Variants in FAM83G observed in about 807,000 individuals in gnomAD.
FAM83G encodes scaffolding CK1 anchoring protein G.
A neutral mutation model predicts 61.5 loss-of-function variants in FAM83G; 38 were observed. The ratio of observed to expected loss-of-function variants is 0.62; its 90% CI spans 0.48 to 0.81. The LOEUF (loss-of-function observed/expected upper bound fraction) is 0.81. FAM83G is among the 30% of genes least tolerant of loss of function. FAM83G has a pLI of 0.00. For missense variants in FAM83G, 989 were observed against 1,133.6 expected (o/e 0.87, Z 1.83); for synonymous variants, 470 against 476.1 (o/e 0.99, Z 0.17).
chr17:18,968,972 C>A lies in FAM83G; in HGVS notation c.*2387G>T. On this transcript the variant is annotated 3_prime_UTR_variant, in exon 6 of 6. Coordinates refer to ENST00000388995, the MANE Select transcript of FAM83G (RefSeq NM_001039999.3). This position sits in a 1 kb window ranked among gnomAD's most constrained non-coding sequence, Gnocchi z 4.1. ...ACAGGCCACCGAGGCCCAGAGAGGG[C>A]CTTGCCCGAGGTCACCCAGGGAGTG... 1 of 1,421,958 alleles carries A rather than the reference C, an allele frequency of 7.0e-7. No individual in the cohort carries two copies. Among genetic ancestry groups the A allele is most frequent in the Non-Finnish European group, 9.5e-7 (1 of 1,048,730 alleles). The allele number at this position is 1,421,958 out of a possible 1,614,324, so 88.1% of individuals were successfully genotyped here.
intron 2 of FAM83G, among the ~76,000 whole-genome samples, chr17:18,992,953 G>A (rs1438666056): frequency 2.0e-5 from 3 of 152,214 alleles, no homozygotes; most frequent in Non-Finnish European, 4.4e-5. Flanking sequence ...ACCCACAACA[G>A]CTGTTTCCTA....
At position 18,971,323 on chromosome 17, in the gene FAM83G, G is replaced by A. The variant is rs768324935; in HGVS notation, c.*36C>T. ...CTCCGCGTCATGAGTCTGGGCTGGG[G>A]CCTCAGAAGGTGTGGCTCCAGGCTG... On this transcript the variant is annotated 3_prime_UTR_variant, in exon 6 of 6. Transcript: ENST00000388995. The surrounding 1 kb of genome is among the most constrained non-coding windows in gnomAD (Gnocchi z 5.5). 5 of 1,606,676 alleles carry A rather than the reference G, an allele frequency of 3.1e-6. No homozygotes were observed. The African/African-American group carries it at 4.0e-5, about 13-fold the overall frequency.
At position 18,977,821 on chromosome 17, in the gene FAM83G, C is replaced by T; in HGVS notation, c.1845G>A (p.Val615=). The change falls in exon 5 of 6, where the codon GTG becomes GTA. Residue 615 remains valine, a synonymous_variant. Transcript: ENST00000388995. ...CTCTCACCTCGAAGTACTCCTCTGACACAGAGGAAGCCACTGAGGGCCGTC... is the reference window on the plus strand; with the variant it reads ...CTCTCACCTCGAAGTACTCCTCTGATACAGAGGAAGCCACTGAGGGCCGTC... The part of the protein sequence containing the change: ...GPRRPSVASS[V]SEEYFEVREH... The T allele has an allele frequency of 6.2e-7, 1 of 1,608,620 alleles. No individual in the cohort carries two copies. The highest frequency in any genetic ancestry group is 8.5e-7 in the Non-Finnish European group (1 of 1,177,850).
At chr17:18,981,328 G>T (rs1217619619) in intron 3 of FAM83G, among the ~76,000 whole-genome samples, 2 of 152,074 alleles carry the variant, frequency 1.3e-5, no homozygotes, top group African/African-American at 4.8e-5. Context: ...GGGAGGAGGG[G>T]TGGGTGATGG....
intron 2 of FAM83G, among the ~76,000 whole-genome samples, chr17:18,994,558 G>C (rs961143220): frequency 6.6e-6 from 1 of 152,130 alleles, no homozygotes; most frequent in Middle Eastern, 3.2e-3. Flanking sequence ...CTGGAAAGGG[G>C]AGGCTGAGCA....
chr17:18,970,647 A>G lies in FAM83G; in HGVS notation c.*712T>C, dbSNP rs575453580. On this transcript the variant is annotated 3_prime_UTR_variant, in exon 6 of 6. Transcript: ENST00000388995. ...CAGGAAGGTCCTCAAATGTCAAGAA[A>G]AATTACTTTTGCTTCCTTGAATCGA... The G allele has an allele frequency of 3.5e-6, 1 of 287,920 alleles. No homozygotes were observed. The highest frequency in any genetic ancestry group is 2.2e-5 in the African/African-American group (1 of 46,320). 17.8% of individuals were successfully genotyped at this position (287,920 alleles called of 1,614,324 possible).
In FAM83G at chr17:19,000,853, C is replaced by T. The variant is rs940738535; in HGVS notation, c.522+2667G>A. On this transcript the variant is annotated intron_variant, in intron 2 of 5. Coordinates refer to ENST00000388995, the MANE Select transcript of FAM83G (RefSeq NM_001039999.3). The surrounding 1 kb of genome is among the most constrained non-coding windows in gnomAD (Gnocchi z 5.2). ...TCCCAGGAAGCAGGCAGACAAAGCG[C>T]CCCGTCAGCATCCGTCAGTGTCCGG... Among the ~76,000 whole-genome samples the T allele has an allele frequency of 9.9e-5, 15 of 152,138 alleles. No homozygotes were observed. Among genetic ancestry groups the T allele is most frequent in the Non-Finnish European group, 1.9e-4 (13 of 68,006 alleles).
intron 5 of FAM83G, among the ~76,000 whole-genome samples, chr17:18,972,970 G>A (rs945405348): frequency 1.3e-5 from 2 of 152,158 alleles, no homozygotes; most frequent in African/African-American, 4.8e-5. Context: ...CTCAAGCAGG[G>A]CCCCTCATGC....
intron 3 of FAM83G, among the ~76,000 whole-genome samples, chr17:18,982,125 G>A (rs1043198776): frequency 1.3e-5 from 2 of 152,238 alleles, no homozygotes; most frequent in Admixed American, 1.3e-4. Context: ...CTCAGCCTCC[G>A]TGTGAGCCGC....
chr17:18,982,787 G>A (rs986725275), intron 3 of FAM83G, among the ~76,000 whole-genome samples: 1 of 152,254 alleles, frequency 6.6e-6, no homozygotes, highest in Admixed American at 6.5e-5. Context: ...AGCCCCTGGA[G>A]TGGGTCTAGG....
Position 18,971,526 on chromosome 17 carries a change from G to C in FAM83G, c.2305C>G (p.Pro769Ala). ...TCGGTGGCCCTGCCATCGGTCATGG[G>C]GCGGGCATTTTGGGCCAGTCTTGGG... Reference protein sequence around the residue: ...GSPRLAQNARPMTDGRATEEH... With the variant: ...GSPRLAQNARAMTDGRATEEH... The change falls in exon 6 of 6, where the codon CCC (proline) becomes GCC (alanine). Residue 769 changes from proline (P) to alanine (A), a missense_variant. By Grantham distance (27) the Pro-to-Ala change is conservative. This residue lies in a region of FAM83G where 574 missense variants were observed against 645.1 expected (regional missense o/e 0.89). Transcript: ENST00000388995. This position sits in a 1 kb window ranked among gnomAD's most constrained non-coding sequence, Gnocchi z 5.5. 6.2e-7 allele frequency: 1 copy of C among 1,614,050 alleles called. No individual in the cohort carries two copies. Among genetic ancestry groups the C allele is most frequent in the Non-Finnish European group, 8.5e-7 (1 of 1,180,044 alleles).
chr17:19,005,941 A>T (rs2043875754), upstream of FAM83G, among the ~76,000 whole-genome samples: 1 of 152,062 alleles, frequency 6.6e-6, no homozygotes, highest in Admixed American at 6.5e-5. Context: ...GGTCCTGAAG[A>T]CCCATTTATA....
At chr17:18,976,886 C>A in intron 5 of FAM83G, 1 of 1,613,694 alleles carries the variant, frequency 6.2e-7, no homozygotes, top group Middle Eastern at 1.6e-4. Context: ...CAGCCCGGGA[C>A]CTGAACCATG....
intron 2 of FAM83G, among the ~76,000 whole-genome samples, chr17:18,990,427 T>A (rs924255331): frequency 1.3e-5 from 2 of 152,116 alleles, no homozygotes; most frequent in Non-Finnish European, 2.9e-5. Context: ...AAGCCACTTC[T>A]GAGCAGGCAA....
chr17:18,971,575 G>A lies in FAM83G; in HGVS notation c.2256C>T (p.Pro752=), dbSNP rs763104209. Residue 752 remains proline, a synonymous_variant, in exon 6 of 6, where the codon CCC becomes CCT. Coordinates refer to ENST00000388995, the MANE Select transcript of FAM83G (RefSeq NM_001039999.3). The surrounding 1 kb of genome is among the most constrained non-coding windows in gnomAD (Gnocchi z 5.5). ...HHWQAKGGQV[P]RLLPDPGSPR... ...GGCTGCCGGGATCCGGAAGCAGGCG[G>A]GGTACCTGACCTCCCTTGGCCTGCC... 5.6e-6 allele frequency: 9 copies of A among 1,613,710 alleles called. No homozygotes were observed. The South Asian group carries it at 7.7e-5, about 14-fold the overall frequency.
At chr17:18,985,800 G>A (rs2043255373) in intron 3 of FAM83G, among the ~76,000 whole-genome samples, 1 of 152,196 alleles carries the variant, frequency 6.6e-6, no homozygotes, top group Admixed American at 6.5e-5. Context: ...CAGGGCAGGC[G>A]GGGCCAGGGA....
chr17:18,988,552 C>G (rs1373480759), intron 2 of FAM83G, 138 bp from the exon 3 acceptor site: 1 of 1,410,958 alleles, frequency 7.1e-7, no homozygotes, highest in Non-Finnish European at 9.5e-7. Context: ...GAGCCTCAGG[C>G]CCGGGACCAG....
intron 2 of FAM83G, among the ~76,000 whole-genome samples, chr17:18,997,830 T>C (rs2043605457): frequency 6.6e-6 from 1 of 152,222 alleles, no homozygotes; most frequent in Non-Finnish European, 1.5e-5. Flanking sequence ...GGGAGAGATC[T>C]GGCATCTACC....
chr17:19,005,045 AGG>A (rs2043845442), upstream of FAM83G, among the ~76,000 whole-genome samples: 2 of 152,174 alleles, frequency 1.3e-5, no homozygotes, highest in Non-Finnish European at 2.9e-5. Context: ...CTGTGCCCCC[AGG>A]GTCTGTTGGT....
Sources: gnomAD v4.1 joint callset for allele counts (sites outside exome capture counted in the v4.1 genomes callset) on GRCh38, gnomAD v4.1.1 for gene constraint, gnomAD v4.1.1 regional missense constraint, Gnocchi (gnomAD v3.1) non-coding constraint, MANE v1.5 for transcripts, NCBI Gene and HGNC (gene_info 2026-07-23, HGNC 2026-07-21) for gene names.